The following ICAM1 variants were observed in gnomAD, a reference collection of about 807,000 sequenced individuals.
ICAM1 encodes the protein intercellular adhesion molecule 1, also known as ICAM-1.
ICAM1 carries 28 observed loss-of-function variants against 42.3 expected under a neutral mutation model. The ratio of observed to expected loss-of-function variants is 0.66; its 90% confidence interval spans 0.49 to 0.91. The LOEUF is 0.91. ICAM1 is among the 40% of genes least tolerant of loss of function. ICAM1 has a pLI of 0.00. For synonymous variants in ICAM1, 304 were observed against 305.9 expected, an observed-to-expected ratio of 0.99 and a Z score of 0.07; for missense variants, 637 against 688.6, an observed-to-expected ratio of 0.93 and a Z score of 0.84.
chr19:10,281,995 G>GC (rs2040063096), intron 2 of ICAM1, among the ~76,000 whole-genome samples: 2 of 151,670 alleles, frequency 1.3e-5, no homozygotes, highest in African/African-American at 4.8e-5. Flanking sequence ...GCCTGCCTCG[G>GC]CCCCCCAAAG....
At chr19:10,271,803 T>G (rs2039983240) in intron 1 of ICAM1, among the ~76,000 whole-genome samples, 1 of 151,398 alleles carries the variant, frequency 6.6e-6, no homozygotes, top group South Asian at 2.1e-4. Context: ...CAGGGCTGCT[T>G]CTACTTGGGG....
intron 1 of ICAM1, among the ~76,000 whole-genome samples, chr19:10,274,202 C>G (rs1335406506): frequency 1.3e-5 from 2 of 152,050 alleles, no homozygotes; most frequent in African/African-American, 4.8e-5. Flanking sequence ...TCATTTAGAT[C>G]TCTGCTGAAA....
chr19:10,271,151 A>C lies in ICAM1; in HGVS notation c.-9A>C, dbSNP rs5490. 19,029 of 1,612,170 alleles carry C rather than the reference A, an allele frequency of 0.012. 1,905 individuals carry two copies. In the African/African-American group the frequency reaches 0.22, roughly 19 times the overall value. ...CTCTGCTACTCAGAGTTGCAACCTC[A>C]GCCTCGCTATGGCTCCCAGCAGCCC... On this transcript the variant is annotated 5_prime_UTR_variant, in exon 1 of 7. Coordinates refer to ENST00000264832, the MANE Select transcript of ICAM1 (RefSeq NM_000201.3).
intron 2 of ICAM1, among the ~76,000 whole-genome samples, chr19:10,279,808 T>G (rs1472779785): frequency 6.6e-6 from 1 of 151,276 alleles, no homozygotes; most frequent in Non-Finnish European, 1.5e-5. Flanking sequence ...GAGGTTACAG[T>G]CAGCTATGAT....
chr19:10,283,100 A>C (rs2040073290), intron 2 of ICAM1: 1 of 169,548 alleles, frequency 5.9e-6, no homozygotes, highest in Non-Finnish European at 1.2e-5. Flanking sequence ...GCTACTCAGG[A>C]GGCTGAGGCA....
At chr19:10,276,975 CAAAA>C (rs536596915) in intron 2 of ICAM1, among the ~76,000 whole-genome samples, 2 of 79,314 alleles carry the variant, frequency 2.5e-5, no homozygotes, top group African/African-American at 5.5e-5. Context: ...AACTCCATCT[CAAAA>C]AAAAAAAAAA....
chr19:10,273,185 C>T (rs992221707), intron 1 of ICAM1, among the ~76,000 whole-genome samples: 3 of 151,846 alleles, frequency 2.0e-5, no homozygotes, highest in African/African-American at 7.3e-5. Flanking sequence ...ATAGTGAGAC[C>T]CCATCTCTAC....
intron 2 of ICAM1, among the ~76,000 whole-genome samples, chr19:10,281,560 G>C (rs1339257972): frequency 6.6e-6 from 1 of 151,960 alleles, no homozygotes; most frequent in Non-Finnish European, 1.5e-5. Flanking sequence ...GAAACCTCCT[G>C]CTTATGTACA....
Position 10,274,754 on chromosome 19 carries a change from G to A in ICAM1, c.68-11G>A, listed in dbSNP as rs201681198. The A allele has an allele frequency of 9.1e-5, 146 of 1,608,370 alleles. 1 individual carries two copies. The highest frequency in any genetic ancestry group is 1.7e-4 in the Middle Eastern group (1 of 6,042). On this transcript the variant is annotated splice_polypyrimidine_tract_variant and intron_variant, in intron 1 of 6. Transcript: ENST00000264832. ...TGTAATGCCTGTCGCCTCTTCCCTCGTTTCTTCTAGGACCTGGCAATGCCC... is the reference window on the plus strand; with the variant it reads ...TGTAATGCCTGTCGCCTCTTCCCTCATTTCTTCTAGGACCTGGCAATGCCC...
chr19:10,282,824 G>A (rs2145498380), intron 2 of ICAM1, among the ~76,000 whole-genome samples: 1 of 152,090 alleles, frequency 6.6e-6, no homozygotes, highest in African/African-American at 2.4e-5. Flanking sequence ...ACCAGCCTGG[G>A]CAACATGCTG....
At position 10,284,546 on chromosome 19, in the gene ICAM1, C is replaced by T; in HGVS notation, c.1069C>T (p.Leu357=). 1 of 1,614,160 alleles carries T rather than the reference C, an allele frequency of 6.2e-7. No individual in the cohort carries two copies. Among genetic ancestry groups the T allele is most frequent in the Non-Finnish European group, 8.5e-7 (1 of 1,180,016 alleles). Residue 357 remains leucine (L), a synonymous_variant, in exon 5 of 7, where the codon CTG becomes TTG. Transcript: ENST00000264832. This position sits in a 1 kb window ranked among gnomAD's most constrained non-coding sequence, Gnocchi z 5.4. ...AQPLGPRAQL[L]LKATPEDNGR... ...GCCACTGGGCCCGAGGGCCCAGCTC[C>T]TGCTGAAGGCCACCCCAGAGGACAA...
At chr19:10,277,638 G>A (rs981399148) in intron 2 of ICAM1, among the ~76,000 whole-genome samples, 13 of 151,672 alleles carry the variant, frequency 8.6e-5, no homozygotes. Context: ...CAGGCGCCCA[G>A]CACCACGCCC....
Position 10,285,377 on chromosome 19 carries a change from A to G in ICAM1, c.*90A>G, listed in dbSNP as rs1276427954. The G allele has an allele frequency of 1.6e-6, 2 of 1,287,198 alleles. No individual in the cohort carries two copies. Among genetic ancestry groups the G allele is most frequent in the Non-Finnish European group, 2.2e-6 (2 of 923,140 alleles). 79.7% of individuals were successfully genotyped at this position (1,287,198 alleles called of 1,614,324 possible). A position where few individuals can be genotyped will look rare whatever the true frequency, so the allele number is the denominator to read the frequency against. On this transcript the variant is annotated 3_prime_UTR_variant, in exon 7 of 7. Transcript: ENST00000264832. ...ACAGAGTGGAAGACATATGCCATGC[A>G]GCTACACCTACCGGCCCTGGGACGC...
At chr19:10,273,588 C>A (rs556568080) in intron 1 of ICAM1, among the ~76,000 whole-genome samples, 7 of 152,160 alleles carry the variant, frequency 4.6e-5, no homozygotes, top group African/African-American at 1.7e-4. Context: ...TCACTTGAGC[C>A]CAGGAGTTCA....
chr19:10,277,192 T>C (rs1328598252), intron 2 of ICAM1, among the ~76,000 whole-genome samples: 1 of 152,032 alleles, frequency 6.6e-6, no homozygotes, highest in Non-Finnish European at 1.5e-5. Flanking sequence ...GTTTTTTCCT[T>C]TTTTTGAGAC....
intron 2 of ICAM1, chr19:10,283,202 A>AT: frequency 2.9e-6 from 1 of 342,700 alleles, no homozygotes; most frequent in East Asian, 4.9e-5. Flanking sequence ...TGCTGAATTT[A>AT]TTTGACCAGA....
intron 1 of ICAM1, among the ~76,000 whole-genome samples, chr19:10,272,555 CTTTTCT>C (rs1423779378): frequency 2.8e-5 from 3 of 108,512 alleles, no homozygotes; most frequent in African/African-American, 1.1e-4. Flanking sequence ...TCTTTCTTTT[CTTTTCT>C]TTTTTTTTTT....
intron 2 of ICAM1, among the ~76,000 whole-genome samples, chr19:10,279,449 G>A (rs1297825040): frequency 6.6e-6 from 1 of 152,038 alleles, no homozygotes; most frequent in African/African-American, 2.4e-5. Context: ...GGCTCAAGTG[G>A]GAGGATCACT....
Position 10,276,274 on chromosome 19 carries a change from A to G in ICAM1, c.331+1246A>G, listed in dbSNP as rs923000008. On this transcript the variant is annotated intron_variant, in intron 2 of 6. Transcript: ENST00000264832. ...AACAAAAGAATTGATGGCCGGGCGC[A>G]GTGGCTCACGCCTGTAATCCCAGCA... 8.6e-5 allele frequency among the ~76,000 whole-genome samples: 13 copies of G among 151,634 alleles called. No individual in the cohort carries two copies. In the East Asian group the frequency reaches 1.8e-3, roughly 20 times the overall value.
Sources: allele counts gnomAD v4.1 joint callset (sites outside exome capture counted in the v4.1 genomes callset), GRCh38; gene constraint gnomAD v4.1.1; non-coding constraint Gnocchi (gnomAD v3.1); transcripts MANE v1.5; gene names NCBI Gene and HGNC (gene_info 2026-07-23, HGNC 2026-07-21).